Variants in TENM1 observed in about 807,000 individuals in gnomAD.
TENM1 encodes teneurin transmembrane protein 1, also known as teneurin-1.
Under a neutral mutation model 174.8 loss-of-function variants are expected in TENM1, and 35 were observed. The ratio of observed to expected loss-of-function variants is 0.20; its 90% CI spans 0.15 to 0.27. TENM1 has a LOEUF of 0.27. Ranked by LOEUF, TENM1 falls within the 10% of genes least tolerant of loss-of-function variation. The pLI is 1.00. For missense variants in TENM1, 1,633 were observed against 2,130.1 expected, an observed-to-expected ratio of 0.77 and a Z score of 4.59; for synonymous variants, 781 against 798.7, an observed-to-expected ratio of 0.98 and a Z score of 0.37.
the TENM1 span, among the ~76,000 whole-genome samples, chrX:125,146,912 C>A: frequency 9.0e-6 from 1 of 111,038 alleles, no homozygotes; most frequent in Non-Finnish European, 1.9e-5. Flanking sequence ...CAGGTCCAAT[C>A]TTTGGCTTTT....
At chrX:124,584,623 T>C (rs2049438771) in intron 11 of TENM1, among the ~76,000 whole-genome samples, 1 of 110,935 alleles carries the variant, frequency 9.0e-6, no homozygotes, top group Non-Finnish European at 1.9e-5. Flanking sequence ...AGAAACCGCA[T>C]CAACTAAAGA....
At chrX:124,910,346 A>C (rs1473369578) in intron 1 of TENM1, among the ~76,000 whole-genome samples, 1 of 112,446 alleles carries the variant, frequency 8.9e-6, no homozygotes, top group African/African-American at 3.2e-5. Flanking sequence ...GGCATTTAAA[A>C]AACAATGGAC....
intron 1 of TENM1, among the ~76,000 whole-genome samples, chrX:124,900,490 C>T (rs1382767577): frequency 9.0e-6 from 1 of 111,426 alleles, no homozygotes; most frequent in East Asian, 2.8e-4. Flanking sequence ...GTATACATGC[C>T]AAAGTTTATC....
At chrX:124,577,126 C>A (rs2049185705) in intron 11 of TENM1, among the ~76,000 whole-genome samples, 1 of 111,920 alleles carries the variant, frequency 8.9e-6, no homozygotes, top group African/African-American at 3.3e-5. Flanking sequence ...TTGCTAAGGG[C>A]TCACCATGCT....
At chrX:124,786,968 T>C (rs981899047) in intron 3 of TENM1, among the ~76,000 whole-genome samples, 1 of 111,708 alleles carries the variant, frequency 9.0e-6, no homozygotes, top group Non-Finnish European at 1.9e-5. Flanking sequence ...ATATATGACA[T>C]CAAAATCTCA....
chrX:125,149,047 A>AATTG, the TENM1 span, among the ~76,000 whole-genome samples: 1 of 110,582 alleles, frequency 9.0e-6, no homozygotes, highest in East Asian at 2.9e-4. Context: ...ATAAAATCCA[A>AATTG]ATTGATTAAT....
At chrX:124,978,231 T>C in the TENM1 span, among the ~76,000 whole-genome samples, 1 of 111,444 alleles carries the variant, frequency 9.0e-6, no homozygotes, top group African/African-American at 3.3e-5. Context: ...TTTGGTCATT[T>C]TTGTCATACT....
intron 11 of TENM1, among the ~76,000 whole-genome samples, chrX:124,598,953 A>G (rs1322044080): frequency 1.8e-5 from 2 of 111,566 alleles, no homozygotes; most frequent in East Asian, 5.6e-4. Context: ...GATAATGGAT[A>G]CCTCATTTAC....
intron 5 of TENM1, among the ~76,000 whole-genome samples, chrX:124,689,850 T>C (rs1174956904): frequency 3.6e-5 from 4 of 110,570 alleles, no homozygotes; most frequent in Non-Finnish European, 7.6e-5. Context: ...AATAACAAAA[T>C]AGAACAAGTA....
intron 5 of TENM1, among the ~76,000 whole-genome samples, chrX:124,691,387 A>G (rs1281251042): frequency 8.9e-6 from 1 of 112,385 alleles, no homozygotes; most frequent in Admixed American, 9.4e-5. Context: ...ATGAAAAGAT[A>G]GTCAACCTTA....
the TENM1 span, among the ~76,000 whole-genome samples, chrX:125,009,911 C>A: frequency 2.7e-5 from 3 of 111,549 alleles, no homozygotes; most frequent in African/African-American, 9.8e-5. Flanking sequence ...TCATGACAAA[C>A]CCATAGCCAA....
chrX:124,829,196 T>C (rs1021385075), intron 3 of TENM1, among the ~76,000 whole-genome samples: 1 of 112,300 alleles, frequency 8.9e-6, no homozygotes, highest in African/African-American at 3.2e-5. Flanking sequence ...AAGGAAAACA[T>C]GAAACTGGCA....
At chrX:125,124,646 A>G in the TENM1 span, among the ~76,000 whole-genome samples, 29 of 112,570 alleles carry the variant, frequency 2.6e-4, no homozygotes, top group Non-Finnish European at 5.1e-4. Flanking sequence ...TCCATGATGC[A>G]TATGTATATA....
chrX:124,511,334 C>G, intron 18 of TENM1, among the ~76,000 whole-genome samples: 1 of 111,852 alleles, frequency 8.9e-6, no homozygotes. Context: ...ATAAAACAGC[C>G]CTGCTTTCAG....
In TENM1 at chrX:124,625,484, T is replaced by G. The variant is rs750007951; in HGVS notation, c.2077+16307A>C. On this transcript the variant is annotated intron_variant, in intron 11 of 31. Coordinates refer to ENST00000422452, the Ensembl canonical transcript of TENM1. The stretch of plus-strand genomic sequence containing the variant: ...AAAATTGCTAAGAGTAAATTTTAAG[T>G]GTTCGCATGAAAAAACAAAATAAGT... 7.2e-5 allele frequency among the ~76,000 whole-genome samples: 8 copies of G among 111,356 alleles called. No individual in the cohort carries two copies. In the South Asian group the frequency reaches 3.0e-3, roughly 42 times the overall value.
chrX:124,605,964 GA>G (rs1357213106), intron 11 of TENM1, among the ~76,000 whole-genome samples: 1 of 111,695 alleles, frequency 9.0e-6, no homozygotes, highest in East Asian at 2.8e-4. Flanking sequence ...TTTCAGTATT[GA>G]AATGGAAATT....
At chrX:124,974,848 C>CCA in the TENM1 span, among the ~76,000 whole-genome samples, 1 of 91,297 alleles carries the variant, frequency 1.1e-5, no homozygotes, top group Admixed American at 1.4e-4. Context: ...CCCATAGATA[C>CCA]CACACACACA....
At chrX:124,625,619 T>A (rs893709171) in intron 11 of TENM1, among the ~76,000 whole-genome samples, 2 of 111,106 alleles carry the variant, frequency 1.8e-5, no homozygotes, top group Admixed American at 9.7e-5. Context: ...GGAAGAATAG[T>A]GGCTTCTGCT....
rs59757906 is a variant in TENM1, at chrX:124,688,563, G to A, written c.1015+16450C>T. On this transcript the variant is annotated intron_variant, in intron 5 of 31. Transcript: ENST00000422452. ...CCCACAGGTCTAAATAGTGGTAGGG[G>A]TGTTTAGTCCTTGCAGGCTTCACGA... 1,110 of 139,402 alleles carry A rather than the reference G, an allele frequency of 8.0e-3. 13 individuals are homozygous for A. Among genetic ancestry groups the A allele is most frequent in the African/African-American group, 0.034 (1,058 of 31,422 alleles). The allele number at this position is 139,402 out of a possible 1,213,427, so 11.5% of individuals were successfully genotyped here.
Sources: gnomAD v4.1 joint callset for allele counts (sites outside exome capture counted in the v4.1 genomes callset) on GRCh38, gnomAD v4.1.1 for gene constraint, MANE v1.5 for transcripts, NCBI Gene and HGNC (gene_info 2026-07-23, HGNC 2026-07-21) for gene names.